The following C10orf53 variants were observed in gnomAD, a reference collection of about 807,000 sequenced individuals.
C10orf53 encodes chromosome 10 open reading frame 53.
A neutral mutation model predicts 9.4 loss-of-function variants in C10orf53; 8 were observed. The ratio of observed to expected loss-of-function variants is 0.85; its 90% CI spans 0.50 to 1.53. The LOEUF is 1.53. C10orf53 is among the 40% of genes most tolerant of loss of function. The pLI, the probability that C10orf53 is intolerant of heterozygous loss-of-function variation, is 0.00. For missense variants in C10orf53, 117 were observed against 117.8 expected (o/e 0.99, Z 0.03); for synonymous variants, 48 against 46.0 (o/e 1.04, Z -0.18).
downstream of C10orf53, among the ~76,000 whole-genome samples, chr10:49,700,410 A>T (rs7088344): frequency 1.3e-5 from 2 of 152,076 alleles, no homozygotes; most frequent in African/African-American, 4.8e-5. Context: ...TCTGTCAGTC[A>T]TTCTGGGAAG....
At chr10:49,700,914 A>C (rs1291609105), downstream of C10orf53, among the ~76,000 whole-genome samples, 1 of 152,170 alleles carries the variant, frequency 6.6e-6, no homozygotes, top group Non-Finnish European at 1.5e-5. Context: ...TCCTTTGACC[A>C]CACAGGAGGA....
downstream of C10orf53, among the ~76,000 whole-genome samples, chr10:49,697,712 C>A (rs1005874016): frequency 3.3e-5 from 5 of 152,054 alleles, no homozygotes; most frequent in Non-Finnish European, 7.4e-5. Context: ...CCACCAAGCC[C>A]AGCTAATTTT....
chr10:49,707,073 A>T (rs1339281930), intron 2 of C10orf53, among the ~76,000 whole-genome samples: 2 of 151,966 alleles, frequency 1.3e-5, no homozygotes, highest in Non-Finnish European at 1.5e-5. Context: ...AAATTAATAA[A>T]AAACAAAAAT....
At position 49,696,140 on chromosome 10, in the gene C10orf53, A is replaced by G. The variant is rs1181917149; in HGVS notation, c.*1538A>G. 1.3e-5 allele frequency: 2 copies of G among 152,342 alleles called. No individual in the cohort carries two copies. Among genetic ancestry groups the G allele is most frequent in the East Asian group, 3.9e-4 (2 of 5,186 alleles). The allele number at this position is 152,342 out of a possible 1,614,324, so 9.4% of individuals were successfully genotyped here. On this transcript the variant is annotated 3_prime_UTR_variant, in exon 3 of 3. Transcript: ENST00000374111. ...CTTCATCCATTTGAGATTTATGCAC[A>G]ATTTTGTAAGTTTTTAAAAATTTTT...
At chr10:49,699,987 A>C (rs1362251769), downstream of C10orf53, among the ~76,000 whole-genome samples, 3 of 152,122 alleles carry the variant, frequency 2.0e-5, no homozygotes, top group Admixed American at 2.0e-4. Context: ...GTGAGCGTGC[A>C]TGTCCCTGTT....
Position 49,695,088 on chromosome 10 carries a change from AT to A in C10orf53, c.*489del. The A allele has an allele frequency of 2.6e-6, 1 of 378,140 alleles. No homozygotes were observed. Among genetic ancestry groups the A allele is most frequent in the Non-Finnish European group, 3.6e-6 (1 of 274,756 alleles). The allele number at this position is 378,140 out of a possible 1,614,324, so 23.4% of individuals were successfully genotyped here. A position where few individuals can be genotyped will look rare whatever the true frequency, so the allele number is the denominator to read the frequency against. On this transcript the variant is annotated 3_prime_UTR_variant, in exon 3 of 3. Coordinates refer to ENST00000374111, the MANE Select transcript of C10orf53 (RefSeq NM_001042427.3). ...TTTGGAAACCTTGCTATTCCTACAGATTTATTTCTGACTCCTGAGGGAATAA... is the reference window on the plus strand; with the variant it reads ...TTTGGAAACCTTGCTATTCCTACAGATTATTTCTGACTCCTGAGGGAATAA...
downstream of C10orf53, among the ~76,000 whole-genome samples, chr10:49,700,566 G>C (rs371138971): frequency 2.6e-5 from 4 of 152,296 alleles, no homozygotes; most frequent in East Asian, 3.9e-4. Flanking sequence ...CTGGTCTCTA[G>C]AGCATGGCCA....
At chr10:49,703,192 G>C (rs1840697243) in intron 2 of C10orf53, among the ~76,000 whole-genome samples, 1 of 151,892 alleles carries the variant, frequency 6.6e-6, no homozygotes, top group African/African-American at 2.4e-5. Context: ...TAGTAGATAG[G>C]GACAGTGAGA....
rs1242337931 is a variant in C10orf53, at chr10:49,693,842, A to G, written c.166A>G (p.Met56Val). 5 of 1,611,188 alleles carry G rather than the reference A, an allele frequency of 3.1e-6. No individual in the cohort carries two copies. The highest frequency in any genetic ancestry group is 1.1e-5 in the South Asian group (1 of 91,010). ...AGAAGACTGGAATGTGGTGGAACTC[A>G]TGGTGAATGAAGAAGTCATCTTCCA... Reference protein sequence around the residue: ...KIEDWNVVELMVNEEVIFHCN... With the variant: ...KIEDWNVVELVVNEEVIFHCN... Residue 56 changes from methionine to valine, a missense_variant, in exon 2 of 3, where the codon ATG becomes GTG. Coordinates refer to ENST00000374111, the MANE Select transcript of C10orf53 (RefSeq NM_001042427.3).
intron 1 of C10orf53, 34 bp downstream of exon 1, chr10:49,679,828 C>G: frequency 6.6e-7 from 1 of 1,508,784 alleles, no homozygotes; most frequent in Non-Finnish European, 8.9e-7. Context: ...CCCTGAGGGC[C>G]CCAGCCTCTG....
At chr10:49,708,698 A>T in exon 3 of C10orf53, 1 of 1,550,308 alleles carries the variant, frequency 6.5e-7, no homozygotes, top group Non-Finnish European at 8.7e-7. Context: ...AAGGGTGAAT[A>T]GATGCTGAGT....
Position 49,693,869 on chromosome 10 carries a change from T to A in C10orf53, c.193T>A (p.Cys65Ser). Residue 65 changes from cysteine (C) to serine (S), a missense_variant, in exon 2 of 3, where the codon TGC (cysteine) becomes AGC (serine). Cys to Ser is a moderately radical substitution (Grantham distance 112). Transcript: ENST00000374111. ...LMVNEEVIFHCNIKDLEFGGD... is the reference protein window; with the variant it reads ...LMVNEEVIFHSNIKDLEFGGD... ...GGTGAATGAAGAAGTCATCTTCCAC[T>A]GCAACATTAAGGACTTGGAGTTCGG... 1 of 1,614,270 alleles carries A rather than the reference T, an allele frequency of 6.2e-7. No homozygotes were observed.
At chr10:49,685,645 C>A (rs1171740269) in intron 1 of C10orf53, among the ~76,000 whole-genome samples, 2 of 152,104 alleles carry the variant, frequency 1.3e-5, no homozygotes, top group African/African-American at 4.8e-5. Context: ...TTCCTTTCTG[C>A]ACTTTAAATA....
chr10:49,695,320 G>A lies in C10orf53; in HGVS notation c.*718G>A, dbSNP rs1169036731. The A allele has an allele frequency of 6.6e-6, 1 of 152,184 alleles. No homozygotes were observed. The highest frequency in any genetic ancestry group is 6.5e-5 in the Admixed American group (1 of 15,288). 9.4% of individuals were successfully genotyped at this position (152,184 alleles called of 1,614,324 possible). Reference sequence around the variant, plus strand: ...TTAAAGAGGGTTTTCACTATGTTCAGTGTGAAAATCAGTCATGTCGAAATG... The same window carrying A: ...TTAAAGAGGGTTTTCACTATGTTCAATGTGAAAATCAGTCATGTCGAAATG... On this transcript the variant is annotated 3_prime_UTR_variant, in exon 3 of 3. Coordinates refer to ENST00000374111, the MANE Select transcript of C10orf53 (RefSeq NM_001042427.3).
At chr10:49,702,535 C>T (rs953305263) in intron 2 of C10orf53, among the ~76,000 whole-genome samples, 12 of 152,244 alleles carry the variant, frequency 7.9e-5, no homozygotes, top group African/African-American at 2.6e-4. Flanking sequence ...ATCCTCAAGC[C>T]GGGATGTTGA....
At position 49,697,142 on chromosome 10, in the gene C10orf53, T is replaced by A. The variant is rs1840642847; in HGVS notation, c.*2540T>A. Among the ~76,000 whole-genome samples, 2 of 152,106 alleles carry A rather than the reference T, an allele frequency of 1.3e-5. No homozygotes were observed. The highest frequency in any genetic ancestry group is 4.8e-5 in the African/African-American group (2 of 41,416). On this transcript the variant is annotated 3_prime_UTR_variant, in exon 3 of 3. Transcript: ENST00000374111. ...CAGGAGCTAGAGGCTGCAGCGAACC[T>A]AGATCACGCCACTGCACTCCAGCCT...
At chr10:49,701,443 A>C (rs1840682193), downstream of C10orf53, among the ~76,000 whole-genome samples, 1 of 152,088 alleles carries the variant, frequency 6.6e-6, no homozygotes, top group South Asian at 2.1e-4. Context: ...TATATTTCTG[A>C]GTTGCTATAA....
exon 3 of C10orf53, chr10:49,708,693 T>C (rs754062280): frequency 1.1e-5 from 17 of 1,560,600 alleles, no homozygotes; most frequent in Middle Eastern, 1.7e-4. Context: ...AGAATAAGGG[T>C]GAATAGATGC....
At chr10:49,680,597 G>A (rs1022359575) in intron 1 of C10orf53, among the ~76,000 whole-genome samples, 7 of 152,194 alleles carry the variant, frequency 4.6e-5, no homozygotes, top group African/African-American at 1.2e-4. Context: ...CTGCAGTGCC[G>A]CAGATAAGTT....
Sources: gnomAD v4.1 joint callset for allele counts (sites outside exome capture counted in the v4.1 genomes callset) on GRCh38, gnomAD v4.1.1 for gene constraint, MANE v1.5 for transcripts, NCBI Gene and HGNC (gene_info 2026-07-23, HGNC 2026-07-21) for gene names.